Variants in ZNF423 observed in about 807,000 individuals in gnomAD.
ZNF423 encodes zinc finger protein 423, also known as Ebf-associated zinc finger protein.
A neutral mutation model predicts 95.8 loss-of-function variants in ZNF423; 12 were observed. That is an observed-to-expected ratio of 0.13 (90% CI 0.08 to 0.20). The LOEUF is 0.20. ZNF423 is among the 10% of genes least tolerant of loss of function. The probability of loss-of-function intolerance (pLI) is 1.00; values close to 1 mark genes in which losing one functional copy is unlikely to be tolerated. For synonymous variants in ZNF423, 749 were observed against 711.9 expected (o/e 1.05, Z -0.83); for missense variants, 1,316 against 1,737.1 (o/e 0.76, Z 4.31).
At chr16:49,642,333 C>T (rs940927176) in intron 3 of ZNF423, among the ~76,000 whole-genome samples, 3 of 152,136 alleles carry the variant, frequency 2.0e-5, no homozygotes, top group East Asian at 3.8e-4. Context: ...AACCTGGTCC[C>T]GAGGCCCCAC....
intron 1 of ZNF423, among the ~76,000 whole-genome samples, chr16:49,826,053 A>C (rs1445581048): frequency 6.6e-6 from 1 of 151,968 alleles, no homozygotes; most frequent in East Asian, 1.9e-4. Flanking sequence ...CTGTACAAAA[A>C]ATACAAAAAT....
chr16:49,657,714 G>A (rs933133252), intron 3 of ZNF423, among the ~76,000 whole-genome samples: 29 of 152,328 alleles, frequency 1.9e-4, no homozygotes, highest in African/African-American at 7.0e-4. Flanking sequence ...CCTTTCCCTG[G>A]CCCTGTCTCC....
At chr16:49,849,772 T>G (rs548021991) in intron 1 of ZNF423, among the ~76,000 whole-genome samples, 1 of 152,294 alleles carries the variant, frequency 6.6e-6, no homozygotes, top group South Asian at 2.1e-4. Flanking sequence ...AAAGACATTG[T>G]TACCTCCAAA....
At chr16:49,512,432 G>C (rs1187192328) in intron 7 of ZNF423, among the ~76,000 whole-genome samples, 1 of 152,206 alleles carries the variant, frequency 6.6e-6, no homozygotes, top group Non-Finnish European at 1.5e-5. Flanking sequence ...CAATAACCCT[G>C]GTCTCTTGAA....
intron 7 of ZNF423, among the ~76,000 whole-genome samples, chr16:49,508,606 C>A (rs1967754220): frequency 2.0e-5 from 3 of 151,744 alleles, no homozygotes; most frequent in Non-Finnish European, 4.4e-5. Flanking sequence ...TGAGTTTTCA[C>A]CCTCTGCTCT....
Position 49,492,944 on chromosome 16 carries a change from TG to T in ZNF423, c.3850-1641del, listed in dbSNP as rs1239436689. 6.6e-6 allele frequency among the ~76,000 whole-genome samples: 1 copy of T among 151,996 alleles called. No individual in the cohort carries two copies. The highest frequency in any genetic ancestry group is 2.4e-5 in the African/African-American group (1 of 41,394). ...CAGGCTTCCCAGGGCCTGCACCCCA[TG>T]GGCACCGCAGTCTGCAAATCACCCG... On this transcript the variant is annotated intron_variant, in intron 7 of 7. Transcript: ENST00000563137. The surrounding 1 kb of genome is among the most constrained non-coding windows in gnomAD (Gnocchi z 4.2).
intron 1 of ZNF423, among the ~76,000 whole-genome samples, chr16:49,794,517 TG>T (rs1387745598): frequency 6.6e-6 from 1 of 152,208 alleles, no homozygotes; most frequent in Non-Finnish European, 1.5e-5. Flanking sequence ...AGCTCTGTGC[TG>T]GGGCCAGGCA....
chr16:49,615,666 G>C (rs1461134434), intron 5 of ZNF423, among the ~76,000 whole-genome samples: 2 of 152,114 alleles, frequency 1.3e-5, no homozygotes, highest in Non-Finnish European at 2.9e-5. Flanking sequence ...CTAAAGAGCA[G>C]ATGCTGGAGT....
chr16:49,853,301 C>CGG (rs146210483), intron 1 of ZNF423, among the ~76,000 whole-genome samples: 18,638 of 77,352 alleles, frequency 0.24, 1,464 homozygotes, highest in African/African-American at 0.34. Context: ...AGGGGCGGGG[C>CGG]GGGGGGGGAG....
intron 7 of ZNF423, among the ~76,000 whole-genome samples, chr16:49,498,134 G>A (rs1006267823): frequency 1.3e-5 from 2 of 152,166 alleles, no homozygotes; most frequent in African/African-American, 4.8e-5. Flanking sequence ...TAACACTGAT[G>A]GTAGGCTCAC....
intron 4 of ZNF423, among the ~76,000 whole-genome samples, chr16:49,633,506 A>G (rs1422809079): frequency 6.6e-6 from 1 of 152,094 alleles, no homozygotes; most frequent in African/African-American, 2.4e-5. Context: ...AGACTCTATT[A>G]CTATTCCATT....
At chr16:49,679,718 C>G (rs538861380) in intron 3 of ZNF423, among the ~76,000 whole-genome samples, 1 of 152,348 alleles carries the variant, frequency 6.6e-6, no homozygotes, top group South Asian at 2.1e-4. Context: ...AGGAAGCAGA[C>G]AGGCTCCTGA....
intron 5 of ZNF423, among the ~76,000 whole-genome samples, chr16:49,598,651 G>A (rs1052935750): frequency 3.3e-5 from 5 of 152,254 alleles, no homozygotes; most frequent in African/African-American, 7.2e-5. Context: ...AGGCCATCAC[G>A]CCAAAAGGCC....
intron 3 of ZNF423, among the ~76,000 whole-genome samples, chr16:49,698,032 C>A (rs919442158): frequency 2.0e-5 from 3 of 152,284 alleles, no homozygotes; most frequent in African/African-American, 7.2e-5. Flanking sequence ...CAGGGACCAG[C>A]CCGACTCCAC....
intron 1 of ZNF423, among the ~76,000 whole-genome samples, chr16:49,823,192 T>C (rs565975596): frequency 1.1e-4 from 16 of 152,246 alleles, no homozygotes; most frequent in Non-Finnish European, 2.2e-4. Context: ...CAAGCCATTA[T>C]GCCTGGCTGG....
chr16:49,635,346 ATT>A lies in ZNF423; in HGVS notation c.3516+312_3516+313del, dbSNP rs1286750362. Among the ~76,000 whole-genome samples, 1 of 152,264 alleles carries A rather than the reference ATT, an allele frequency of 6.6e-6. No individual in the cohort carries two copies. Among genetic ancestry groups the A allele is most frequent in the Non-Finnish European group, 1.5e-5 (1 of 68,046 alleles). On this transcript the variant is annotated intron_variant, in intron 4 of 7. Transcript: ENST00000563137. This position sits in a 1 kb window ranked among gnomAD's most constrained non-coding sequence, Gnocchi z 4.8. Reference sequence around the variant, plus strand: ...GTGCATCAGCCACTGTGCCAGGCACATTACCTGTATGATGTCCTCGGCCTCTT... The same window carrying A: ...GTGCATCAGCCACTGTGCCAGGCACAACCTGTATGATGTCCTCGGCCTCTT...
intron 1 of ZNF423, among the ~76,000 whole-genome samples, chr16:49,813,790 C>A (rs2034792958): frequency 6.6e-6 from 1 of 152,214 alleles, no homozygotes; most frequent in Non-Finnish European, 1.5e-5. Context: ...AGCACAGTGG[C>A]CGAGACAGCA....
intron 3 of ZNF423, among the ~76,000 whole-genome samples, chr16:49,670,057 G>A (rs2030737515): frequency 6.6e-6 from 1 of 150,736 alleles, no homozygotes; most frequent in Admixed American, 6.6e-5. Context: ...CCCACCACGA[G>A]AACAGAGGAA....
intron 5 of ZNF423, among the ~76,000 whole-genome samples, chr16:49,624,795 A>C (rs1972203002): frequency 6.6e-6 from 1 of 152,210 alleles, no homozygotes; most frequent in South Asian, 2.1e-4. Context: ...AAATCAGGCA[A>C]AACCAACCTA....
Sources: gnomAD v4.1 joint callset for allele counts (sites outside exome capture counted in the v4.1 genomes callset) on GRCh38, gnomAD v4.1.1 for gene constraint, Gnocchi (gnomAD v3.1) non-coding constraint, MANE v1.5 for transcripts, NCBI Gene and HGNC (gene_info 2026-07-23, HGNC 2026-07-21) for gene names.